SPTBN1: variants seen among roughly 807,000 people sequenced by gnomAD.
SPTBN1 encodes the protein spectrin beta, non-erythrocytic 1.
A neutral mutation model predicts 266.4 loss-of-function variants in SPTBN1; 32 were observed. That is an observed-to-expected ratio of 0.12 (90% CI 0.09 to 0.16). SPTBN1 has a LOEUF of 0.16. Among genes scored for constraint, SPTBN1 ranks in the 10% least tolerant of loss-of-function variants. The probability of loss-of-function intolerance (pLI) is 1.00; values close to 1 mark genes in which losing one functional copy is unlikely to be tolerated. For synonymous variants in SPTBN1, 1,336 were observed against 1,162.2 expected, an observed-to-expected ratio of 1.15 and a Z score of -3.04; for missense variants, 2,296 against 3,067.1, an observed-to-expected ratio of 0.75 and a Z score of 5.94.
intron 1 of SPTBN1, among the ~76,000 whole-genome samples, chr2:54,521,523 CTTT>C (rs971162210): frequency 6.6e-6 from 1 of 151,384 alleles, no homozygotes; most frequent in South Asian, 2.1e-4. Context: ...CAGAGCATTG[CTTT>C]TTTTTTGAGA....
Position 54,629,804 on chromosome 2 carries a change from G to A in SPTBN1, c.2669+1G>A. 1 of 1,609,796 alleles carries A rather than the reference G, an allele frequency of 6.2e-7. No homozygotes were observed. On this transcript the variant is annotated splice_donor_variant, in intron 14 of 35. Transcript: ENST00000356805. LOFTEE classifies it high-confidence loss of function. ...AGGATCTGGAGGTCATCCAGCACAG[G>A]TGAGCGGGGCGCTGGTCAGCCACTG...
chr2:54,500,954 T>G (rs1348477983), intron 1 of SPTBN1, among the ~76,000 whole-genome samples: 1 of 152,174 alleles, frequency 6.6e-6, no homozygotes, highest in Non-Finnish European at 1.5e-5. Context: ...TTTCCAGTCC[T>G]CTCTTTATAG....
Position 54,664,316 on chromosome 2 carries a change from G to A in SPTBN1, c.6421-137G>A, listed in dbSNP as rs1558484180. The A allele has an allele frequency of 1.2e-6, 1 of 819,466 alleles. No individual in the cohort carries two copies. The highest frequency in any genetic ancestry group is 2.4e-5 in the Admixed American group (1 of 42,410). The allele number at this position is 819,466 out of a possible 1,614,324, so 50.8% of individuals were successfully genotyped here. ...CCTTGATGTCCAGCTGGCTTTGTGGGTGTGCAATGGTTTTACTGTACTGCC... is the reference window on the plus strand; with the variant it reads ...CCTTGATGTCCAGCTGGCTTTGTGGATGTGCAATGGTTTTACTGTACTGCC... On this transcript the variant is annotated intron_variant, in intron 32 of 35. Transcript: ENST00000356805. This position sits in a 1 kb window ranked among gnomAD's most constrained non-coding sequence, Gnocchi z 5.6.
intron 16 of SPTBN1, among the ~76,000 whole-genome samples, chr2:54,632,063 G>A (rs576507890): frequency 1.2e-4 from 17 of 146,066 alleles, no homozygotes; most frequent in Non-Finnish European, 2.1e-4. Flanking sequence ...GTGGCAGGGT[G>A]AGACCCTGTC....
At chr2:54,466,377 ACGGT>A (rs1693631880) in intron 1 of SPTBN1, among the ~76,000 whole-genome samples, 2 of 25,996 alleles carry the variant, frequency 7.7e-5, no homozygotes, top group African/African-American at 6.6e-4. Flanking sequence ...CCTGGCTAAC[ACGGT>A]GAAACCCCGT....
intron 1 of SPTBN1, among the ~76,000 whole-genome samples, chr2:54,489,878 C>T (rs1290571358): frequency 2.0e-5 from 3 of 152,106 alleles, no homozygotes; most frequent in Non-Finnish European, 4.4e-5. Flanking sequence ...ATATAATCTT[C>T]CTAATGTGGT....
chr2:54,623,548 G>A lies in SPTBN1; in HGVS notation c.1134G>A (p.Gln378=), dbSNP rs149751973. The A allele has an allele frequency of 1.2e-3, 1,935 of 1,614,202 alleles. 2 individuals are homozygous for A. Among genetic ancestry groups the A allele is most frequent in the Non-Finnish European group, 1.5e-3 (1,816 of 1,180,024 alleles). The change falls in exon 10 of 36, where the codon CAG becomes CAA. Residue 378 remains glutamine, a synonymous_variant. Coordinates refer to ENST00000356805, the MANE Select transcript of SPTBN1 (RefSeq NM_003128.3). ...TIQSKMRANN[Q]KVYMPREGKL... Reference sequence around the variant, plus strand: ...AGAGCAAGATGAGGGCCAACAACCAGAAGGTCTACATGCCCCGGGAGGGGA... The same window carrying A: ...AGAGCAAGATGAGGGCCAACAACCAAAAGGTCTACATGCCCCGGGAGGGGA...
intron 2 of SPTBN1, among the ~76,000 whole-genome samples, chr2:54,542,496 C>G (rs950345967): frequency 6.6e-6 from 1 of 152,178 alleles, no homozygotes; most frequent in Admixed American, 6.5e-5. Flanking sequence ...AAACTACCAA[C>G]TTGGAGTTAC....
intron 19 of SPTBN1, among the ~76,000 whole-genome samples, chr2:54,643,876 G>A (rs1328368927): frequency 6.6e-6 from 1 of 152,218 alleles, no homozygotes; most frequent in East Asian, 1.9e-4. Context: ...GCAGCTATTG[G>A]GGAGGCTGAG....
At chr2:54,570,624 G>A (rs1182242350) in intron 2 of SPTBN1, among the ~76,000 whole-genome samples, 1 of 152,164 alleles carries the variant, frequency 6.6e-6, no homozygotes, top group African/African-American at 2.4e-5. Context: ...GCAGGTGTGT[G>A]TGTGCATGTT....
intron 3 of SPTBN1, among the ~76,000 whole-genome samples, chr2:54,605,340 C>G (rs141732158): frequency 6.6e-6 from 1 of 152,160 alleles, no homozygotes; most frequent in Non-Finnish European, 1.5e-5. Flanking sequence ...GTAAAGAGGA[C>G]GAGCTTTAAG....
At chr2:54,659,310 G>A (rs2104206040) in intron 31 of SPTBN1, 44 bp downstream of exon 31, 1 of 1,592,530 alleles carries the variant, frequency 6.3e-7, no homozygotes, top group East Asian at 2.2e-5. Flanking sequence ...AGCCTCGGTG[G>A]CCAATGAGGT....
intron 3 of SPTBN1, among the ~76,000 whole-genome samples, chr2:54,609,504 A>AGTCC (rs1400466312): frequency 6.6e-6 from 1 of 152,190 alleles, no homozygotes; most frequent in African/African-American, 2.4e-5. Context: ...TCAGTGGTGT[A>AGTCC]GTCCTCCCAG....
intron 9 of SPTBN1, 66 bp from the exon 10 acceptor site, chr2:54,623,413 A>G: frequency 1.4e-6 from 2 of 1,398,148 alleles, no homozygotes; most frequent in Non-Finnish European, 2.0e-6. Context: ...AATGGTTTTT[A>G]AAATGCATGA....
chr2:54,670,414 G>T lies in SPTBN1; in HGVS notation c.*1845G>T, dbSNP rs1681648805. 3.0e-6 allele frequency: 1 copy of T among 330,860 alleles called. No homozygotes were observed. The highest frequency in any genetic ancestry group is 5.4e-6 in the Non-Finnish European group (1 of 183,814). The allele number at this position is 330,860 out of a possible 1,614,324, so 20.5% of individuals were successfully genotyped here. On this transcript the variant is annotated 3_prime_UTR_variant, in exon 36 of 36. Transcript: ENST00000356805. ...TTATTCCACAAAGACCATGCCTAAGGTGGCATCAGCCCTGGGCTCCACAGC... is the reference window on the plus strand; with the variant it reads ...TTATTCCACAAAGACCATGCCTAAGTTGGCATCAGCCCTGGGCTCCACAGC...
chr2:54,510,497 C>T (rs1334801162), intron 1 of SPTBN1, among the ~76,000 whole-genome samples: 1 of 152,214 alleles, frequency 6.6e-6, no homozygotes, highest in Non-Finnish European at 1.5e-5. Flanking sequence ...TCATAGAATA[C>T]TAACAGAATT....
intron 6 of SPTBN1, 69 bp downstream of exon 6, chr2:54,617,757 G>T (rs891650357): frequency 1.3e-6 from 2 of 1,523,314 alleles, no homozygotes; most frequent in Admixed American, 3.5e-5. Flanking sequence ...GCAGATTTGG[G>T]TGACTTTTCC....
chr2:54,596,815 C>T (rs548076076), intron 2 of SPTBN1, among the ~76,000 whole-genome samples: 2 of 152,288 alleles, frequency 1.3e-5, no homozygotes, highest in African/African-American at 4.8e-5. Flanking sequence ...CCACCCATGA[C>T]CTCTCCATTT....
chr2:54,661,073 G>A (rs1040146394), intron 32 of SPTBN1: 26 of 985,278 alleles, frequency 2.6e-5, no homozygotes, highest in Non-Finnish European at 2.8e-5. Flanking sequence ...AGTCATGTCA[G>A]TGTCTCTGTA....
Sources: gnomAD v4.1 joint callset for allele counts (sites outside exome capture counted in the v4.1 genomes callset) on GRCh38, gnomAD v4.1.1 for gene constraint, Gnocchi (gnomAD v3.1) non-coding constraint, MANE v1.5 for transcripts, NCBI Gene and HGNC (gene_info 2026-07-23, HGNC 2026-07-21) for gene names.